The following ARHGEF3 variants were observed in gnomAD, a reference collection of about 807,000 sequenced individuals.
ARHGEF3 encodes the protein Rho guanine nucleotide exchange factor 3.
ARHGEF3 carries 28 observed loss-of-function variants against 63.2 expected under a neutral mutation model. The ratio of observed to expected loss-of-function variants is 0.44; its 90% CI spans 0.33 to 0.61. ARHGEF3 has a LOEUF of 0.61. Ranked by LOEUF, ARHGEF3 falls within the 20% of genes least tolerant of loss-of-function variation. ARHGEF3 has a pLI of 0.03. For missense variants in ARHGEF3, 533 were observed against 659.3 expected (o/e 0.81, Z 2.10); for synonymous variants, 266 against 254.2 (o/e 1.05, Z -0.44).
chr3:56,836,564 G>A lies in ARHGEF3; in HGVS notation c.192+45728C>T, dbSNP rs115820719. Among the ~76,000 whole-genome samples, 492 of 151,990 alleles carry A rather than the reference G, an allele frequency of 3.2e-3. 2 individuals carry two copies. The highest frequency in any genetic ancestry group is 0.011 in the African/African-American group (461 of 41,446). On this transcript the variant is annotated intron_variant, in intron 4 of 12. Coordinates refer to the ARHGEF3 transcript ENST00000338458. ...CCCTGCCTACCTGGATTTTTTTCTC[G>A]TTTTGCCTTATTCTGAATGATACAA...
intron 3 of ARHGEF3, among the ~76,000 whole-genome samples, chr3:56,930,750 T>C (rs938775480): frequency 3.3e-5 from 5 of 152,182 alleles, no homozygotes; most frequent in Admixed American, 1.3e-4. Flanking sequence ...ATTTTTTAAA[T>C]GCATGTAGTA....
At chr3:56,867,615 G>A (rs2040297040) in intron 4 of ARHGEF3, among the ~76,000 whole-genome samples, 1 of 151,984 alleles carries the variant, frequency 6.6e-6, no homozygotes, top group South Asian at 2.1e-4. Flanking sequence ...CAGGACCACA[G>A]GCACACCACC....
At chr3:57,073,637 C>A (rs1182993204) in intron 1 of ARHGEF3, 3 of 1,550,978 alleles carry the variant, frequency 1.9e-6, no homozygotes, top group Non-Finnish European at 2.6e-6. Context: ...CAGGGATTGG[C>A]TCCGGCCAAG....
chr3:56,837,196 A>G (rs556367170), intron 4 of ARHGEF3, among the ~76,000 whole-genome samples: 1 of 152,338 alleles, frequency 6.6e-6, no homozygotes, highest in South Asian at 2.1e-4. Context: ...TGATTAAAAA[A>G]ATGGTGACTC....
chr3:57,007,308 C>G, intron 2 of ARHGEF3: 1 of 1,289,708 alleles, frequency 7.8e-7, no homozygotes. Context: ...CCATTGATTG[C>G]GCTGGTTCCA....
chr3:56,744,475 T>G (rs141011053), intron 7 of ARHGEF3, among the ~76,000 whole-genome samples: 1,787 of 151,256 alleles, frequency 0.012, 42 homozygotes, highest in African/African-American at 0.041. Context: ...CTCAGCTCAC[T>G]GCAACCTCCA....
intron 1 of ARHGEF3, among the ~76,000 whole-genome samples, chr3:57,036,654 C>T (rs1418542378): frequency 6.6e-6 from 1 of 152,222 alleles, no homozygotes; most frequent in Non-Finnish European, 1.5e-5. Context: ...ACCAAAGAAA[C>T]AGCCATCAGT....
At chr3:57,007,392 T>C in intron 2 of ARHGEF3, 14 of 1,273,934 alleles carry the variant, frequency 1.1e-5, no homozygotes, top group Middle Eastern at 2.2e-4. Context: ...CTGCTGAGGC[T>C]GAGCTGGAAT....
At chr3:56,887,727 T>C (rs2040971793) in intron 3 of ARHGEF3, among the ~76,000 whole-genome samples, 2 of 152,308 alleles carry the variant, frequency 1.3e-5, no homozygotes, top group South Asian at 4.1e-4. Context: ...TTGTCAAATT[T>C]ACTGAAGCAA....
chr3:57,064,787 G>T (rs944745348), intron 1 of ARHGEF3, among the ~76,000 whole-genome samples: 2 of 152,190 alleles, frequency 1.3e-5, no homozygotes, highest in African/African-American at 4.8e-5. Context: ...CTAGGGGCAG[G>T]GGGGAATGGG....
intron 3 of ARHGEF3, among the ~76,000 whole-genome samples, chr3:56,909,579 G>T (rs2041800106): frequency 6.6e-6 from 1 of 152,214 alleles, no homozygotes; most frequent in African/African-American, 2.4e-5. Context: ...GGGCTGGGAA[G>T]ATAAGATGAA....
intron 4 of ARHGEF3, among the ~76,000 whole-genome samples, chr3:56,850,788 T>C (rs1371117569): frequency 6.6e-6 from 1 of 152,214 alleles, no homozygotes; most frequent in Admixed American, 6.5e-5. Context: ...TCAATTTTTA[T>C]CATCAGTCAT....
chr3:56,917,886 TTAC>T (rs2042027350), intron 3 of ARHGEF3, among the ~76,000 whole-genome samples: 1 of 152,188 alleles, frequency 6.6e-6, no homozygotes, highest in Non-Finnish European at 1.5e-5. Flanking sequence ...GTAAAAAGCC[TTAC>T]GCCTTTCAGG....
intron 3 of ARHGEF3, among the ~76,000 whole-genome samples, chr3:56,901,585 A>ATTT (rs35046019): frequency 4.9e-5 from 7 of 141,416 alleles, no homozygotes; most frequent in Non-Finnish European, 7.6e-5. Context: ...TCTGGTTGTA[A>ATTT]TTTTTTTTTT....
chr3:56,816,101 A>G (rs755893880), intron 4 of ARHGEF3, among the ~76,000 whole-genome samples: 6 of 152,094 alleles, frequency 3.9e-5, no homozygotes, highest in Admixed American at 2.0e-4. Flanking sequence ...TATAGTCCTA[A>G]CTACTTTAGA....
intron 3 of ARHGEF3, among the ~76,000 whole-genome samples, chr3:56,943,913 CAA>C (rs71621851): frequency 1.6e-5 from 2 of 121,934 alleles, no homozygotes; most frequent in Non-Finnish European, 3.5e-5. Flanking sequence ...GACTCCGACT[CAA>C]AAAAAAAAAA....
At chr3:56,870,404 G>C (rs2040398563) in intron 4 of ARHGEF3, among the ~76,000 whole-genome samples, 1 of 152,090 alleles carries the variant, frequency 6.6e-6, no homozygotes, top group Admixed American at 6.5e-5. Flanking sequence ...CAACTATATG[G>C]CATTCTGAAA....
At chr3:56,943,675 G>T (rs1001596198) in intron 3 of ARHGEF3, among the ~76,000 whole-genome samples, 1 of 152,158 alleles carries the variant, frequency 6.6e-6, no homozygotes, top group Admixed American at 6.5e-5. Context: ...AGCACTTTGG[G>T]AGTACAAGGC....
At chr3:57,077,720 C>T (rs1409317611) in intron 1 of ARHGEF3, among the ~76,000 whole-genome samples, 1 of 152,000 alleles carries the variant, frequency 6.6e-6, no homozygotes, top group East Asian at 1.9e-4. Context: ...TGAAATCTAC[C>T]CACCCTCCCC....
Sources: allele counts gnomAD v4.1 joint callset (sites outside exome capture counted in the v4.1 genomes callset), GRCh38; gene constraint gnomAD v4.1.1; transcripts MANE v1.5; gene names NCBI Gene and HGNC (gene_info 2026-07-23, HGNC 2026-07-21).